The following EYA4 variants were observed in gnomAD, a reference collection of about 807,000 sequenced individuals.
The protein encoded by EYA4 is protein phosphatase EYA4.
EYA4 carries 31 observed loss-of-function variants against 87.9 expected under a neutral mutation model. The ratio of observed to expected loss-of-function variants is 0.35; its 90% CI spans 0.27 to 0.48. The LOEUF is 0.48. EYA4 is among the 20% of genes least tolerant of loss of function. The pLI, the probability that EYA4 is intolerant of heterozygous loss-of-function variation, is 0.99. For missense variants in EYA4, 678 were observed against 761.4 expected, an observed-to-expected ratio of 0.89 and a Z score of 1.29; for synonymous variants, 263 against 270.6, an observed-to-expected ratio of 0.97 and a Z score of 0.28.
At chr6:133,437,328 G>A (rs1791783791) in intron 3 of EYA4, among the ~76,000 whole-genome samples, 1 of 152,094 alleles carries the variant, frequency 6.6e-6, no homozygotes, top group South Asian at 2.1e-4. Flanking sequence ...TTCATGGTGT[G>A]AATAAAATAA....
At chr6:133,415,076 A>C (rs1789591903) in intron 3 of EYA4, among the ~76,000 whole-genome samples, 1 of 152,172 alleles carries the variant, frequency 6.6e-6, no homozygotes, top group Non-Finnish European at 1.5e-5. Flanking sequence ...CCTGTAACTA[A>C]CCAAAGTTCA....
chr6:133,251,007 C>A (rs1346565036), intron 1 of EYA4, among the ~76,000 whole-genome samples: 1 of 152,132 alleles, frequency 6.6e-6, no homozygotes, highest in Admixed American at 6.5e-5. Context: ...AAATTAGATA[C>A]TGTGGGTCAT....
chr6:133,321,917 C>T (rs755805351), intron 2 of EYA4, among the ~76,000 whole-genome samples: 3 of 152,144 alleles, frequency 2.0e-5, no homozygotes, highest in African/African-American at 7.2e-5. Context: ...CGTAGAGGCC[C>T]GAGGGCCCAT....
chr6:133,503,642 G>C (rs1798330441), intron 13 of EYA4, among the ~76,000 whole-genome samples: 1 of 152,038 alleles, frequency 6.6e-6, no homozygotes, highest in Admixed American at 6.6e-5. Context: ...CTTTGTTCAT[G>C]GTTCCATGAC....
chr6:133,354,452 C>T (rs185351521), intron 2 of EYA4, among the ~76,000 whole-genome samples: 4 of 152,148 alleles, frequency 2.6e-5, no homozygotes, highest in East Asian at 1.9e-4. Flanking sequence ...TACTGTTTCC[C>T]GAATGTTTAC....
chr6:133,264,769 C>T (rs556032270), intron 1 of EYA4, among the ~76,000 whole-genome samples: 1 of 152,248 alleles, frequency 6.6e-6, no homozygotes, highest in Non-Finnish European at 1.5e-5. Flanking sequence ...CCCCTCCACT[C>T]CATGTTCACG....
At chr6:133,429,072 G>A (rs894132594) in intron 3 of EYA4, among the ~76,000 whole-genome samples, 1 of 151,330 alleles carries the variant, frequency 6.6e-6, no homozygotes, top group Non-Finnish European at 1.5e-5. Context: ...GATTACAGGT[G>A]TGCGCCACCA....
chr6:133,365,040 C>G (rs1287950487), intron 2 of EYA4, among the ~76,000 whole-genome samples: 1 of 152,148 alleles, frequency 6.6e-6, no homozygotes, highest in Admixed American at 6.5e-5. Flanking sequence ...TTTCTTTCTC[C>G]TAATACCTAT....
intron 11 of EYA4, among the ~76,000 whole-genome samples, chr6:133,479,604 A>G (rs1410272218): frequency 1.3e-5 from 2 of 152,218 alleles, no homozygotes; most frequent in Non-Finnish European, 2.9e-5. Flanking sequence ...ATGATAAAAA[A>G]TAATAGCCAT....
chr6:133,393,734 T>C (rs1787505617), intron 3 of EYA4, among the ~76,000 whole-genome samples: 1 of 152,220 alleles, frequency 6.6e-6, no homozygotes, highest in Non-Finnish European at 1.5e-5. Context: ...AATAAATGTC[T>C]TGGACTAATT....
At chr6:133,402,270 A>C (rs1409784361) in intron 3 of EYA4, among the ~76,000 whole-genome samples, 1 of 152,122 alleles carries the variant, frequency 6.6e-6, no homozygotes, top group Admixed American at 6.5e-5. Context: ...AGGATTTCTA[A>C]TGGCAGTACT....
At chr6:133,528,384 T>TATG (rs1800802742) in intron 19 of EYA4, among the ~76,000 whole-genome samples, 3 of 152,158 alleles carry the variant, frequency 2.0e-5, no homozygotes, top group African/African-American at 7.2e-5. Context: ...TGCTTTCCAT[T>TATG]AGCCAGGTAG....
At chr6:133,274,964 C>T in intron 2 of EYA4, 151 bp downstream of exon 2, 1 of 667,058 alleles carries the variant, frequency 1.5e-6, no homozygotes, top group Admixed American at 2.6e-5. Context: ...TGAAACAGAC[C>T]TTTGGAGATT....
intron 2 of EYA4, among the ~76,000 whole-genome samples, chr6:133,295,584 A>G (rs1778886184): frequency 6.6e-6 from 1 of 152,226 alleles, no homozygotes; most frequent in African/African-American, 2.4e-5. Flanking sequence ...ATATGTATGT[A>G]TATTTGCAAT....
chr6:133,277,739 C>T lies in EYA4; in HGVS notation c.33+2926C>T, dbSNP rs140547759. Among the ~76,000 whole-genome samples, 52 of 152,290 alleles carry T rather than the reference C, an allele frequency of 3.4e-4. 1 individual carries two copies. Among genetic ancestry groups the T allele is most frequent in the Non-Finnish European group, 6.8e-4 (46 of 68,020 alleles). On this transcript the variant is annotated intron_variant, in intron 2 of 19. Coordinates refer to ENST00000355286, the MANE Select transcript of EYA4 (RefSeq NM_004100.5). ...CCTCTCCCAGCTTTTCTTCCTTTGTCCTTTATGCCAGTATTACTCATCTCA... is the reference window on the plus strand; with the variant it reads ...CCTCTCCCAGCTTTTCTTCCTTTGTTCTTTATGCCAGTATTACTCATCTCA...
chr6:133,242,011 G>GGTCCCTTCCGAGCCTGCCT (rs1290172250), intron 1 of EYA4, among the ~76,000 whole-genome samples: 2 of 152,176 alleles, frequency 1.3e-5, no homozygotes, highest in Non-Finnish European at 2.9e-5. Flanking sequence ...AAGCCCCAAG[G>GGTCCCTTCCGAGCCTGCCT]GTCCCTTCCG....
chr6:133,441,627 A>T (rs1398440195), intron 3 of EYA4, among the ~76,000 whole-genome samples: 1 of 152,128 alleles, frequency 6.6e-6, no homozygotes, highest in African/African-American at 2.4e-5. Flanking sequence ...TAATTTAAAG[A>T]GAGTGACAGG....
At chr6:133,314,745 T>C (rs919336501) in intron 2 of EYA4, among the ~76,000 whole-genome samples, 2 of 152,228 alleles carry the variant, frequency 1.3e-5, no homozygotes, top group African/African-American at 4.8e-5. Flanking sequence ...ATTTTGATTT[T>C]GATTTTTACT....
At chr6:133,389,617 G>T (rs1787078872) in intron 3 of EYA4, among the ~76,000 whole-genome samples, 1 of 152,170 alleles carries the variant, frequency 6.6e-6, no homozygotes, top group Non-Finnish European at 1.5e-5. Context: ...TTTAGTTAGG[G>T]ATTTCTCTCT....
Sources: allele counts gnomAD v4.1 joint callset (sites outside exome capture counted in the v4.1 genomes callset), GRCh38; gene constraint gnomAD v4.1.1; transcripts MANE v1.5; gene names NCBI Gene and HGNC (gene_info 2026-07-23, HGNC 2026-07-21).